Variants in SEMA3C observed in about 807,000 individuals in gnomAD.
SEMA3C encodes the protein semaphorin 3C, also known as semaphorin-3C.
Under a neutral mutation model 89.4 loss-of-function variants are expected in SEMA3C, and 47 were observed. The observed-to-expected ratio is 0.53, with a 90% CI of 0.42 to 0.67. The LOEUF (loss-of-function observed/expected upper bound fraction) is 0.67, where lower values mean the gene tolerates loss of function less well. Among genes scored for constraint, SEMA3C ranks in the 30% least tolerant of loss-of-function variants. SEMA3C has a pLI of 0.00. For missense variants in SEMA3C, 839 were observed against 929.1 expected (o/e 0.90, Z 1.26); for synonymous variants, 310 against 320.2 (o/e 0.97, Z 0.34).
At chr7:80,855,882 A>T (rs1437746705) in intron 2 of SEMA3C, among the ~76,000 whole-genome samples, 1 of 152,124 alleles carries the variant, frequency 6.6e-6, no homozygotes, top group East Asian at 1.9e-4. Flanking sequence ...GCAGCTCTTT[A>T]AAAAAATAAC....
At chr7:80,757,347 T>A (rs1331397342) in intron 15 of SEMA3C, among the ~76,000 whole-genome samples, 2 of 152,220 alleles carry the variant, frequency 1.3e-5, no homozygotes, top group African/African-American at 4.8e-5. Context: ...CATATTCCTT[T>A]TCAATTTCTC....
At chr7:80,894,275 G>C (rs952890115) in intron 2 of SEMA3C, among the ~76,000 whole-genome samples, 19 of 152,006 alleles carry the variant, frequency 1.2e-4, no homozygotes, top group Non-Finnish European at 2.6e-4. Context: ...AGAAAACACA[G>C]TAAGTTAGAT....
Position 80,748,838 on chromosome 7 carries a change from A to T in SEMA3C, c.1842+60T>A, listed in dbSNP as rs1787858112. On this transcript the variant is annotated intron_variant, in intron 17 of 17. Transcript: ENST00000265361. Reference sequence around the variant, plus strand: ...CCTTTGATCTGAGCCTCGCTGAGGGACAGTGATTTAATGTTCTCTCTGAAG... The same window carrying T: ...CCTTTGATCTGAGCCTCGCTGAGGGTCAGTGATTTAATGTTCTCTCTGAAG... 3.4e-6 allele frequency: 5 copies of T among 1,487,290 alleles called. No homozygotes were observed. In the South Asian group the frequency reaches 6.7e-5, roughly 20 times the overall value. The allele number at this position is 1,487,290 out of a possible 1,614,324, so 92.1% of individuals were successfully genotyped here.
In SEMA3C at chr7:80,899,198, G is replaced by A. The variant is rs539549287; in HGVS notation, c.103+17481C>T. The stretch of plus-strand genomic sequence containing the variant: ...TGCGATTACAGGCGTGTGCCACTGC[G>A]CCCGGCTACTTTTTGTATTTTTAGT... On this transcript the variant is annotated intron_variant, in intron 2 of 17. Coordinates refer to ENST00000265361, the MANE Select transcript of SEMA3C (RefSeq NM_006379.5). Among the ~76,000 whole-genome samples the A allele has an allele frequency of 2.4e-4, 37 of 152,140 alleles. No homozygotes were observed. The South Asian group carries it at 2.7e-3, about 11-fold the overall frequency.
intron 2 of SEMA3C, among the ~76,000 whole-genome samples, chr7:80,846,221 ATTTTTTCCTTGATC>A (rs1336122483): frequency 6.6e-6 from 1 of 151,880 alleles, no homozygotes; most frequent in Non-Finnish European, 1.5e-5. Context: ...GATGCCTGGT[ATTTTTTCCTTGATC>A]TTTATGCACC....
rs1233828017 is a variant in SEMA3C at position 80,897,656 on chromosome 7, TA to T, written c.103+19022del. On this transcript the variant is annotated intron_variant, in intron 2 of 17. Coordinates refer to ENST00000265361, the MANE Select transcript of SEMA3C (RefSeq NM_006379.5). ...ATAACCTAGATGAGGAAAACATGCT[TA>T]AAAAAAAGTTTGAGGCTGTTTAATT... 3.3e-5 allele frequency among the ~76,000 whole-genome samples: 5 copies of T among 152,054 alleles called. No individual in the cohort carries two copies. In the South Asian group the frequency reaches 8.3e-4, roughly 25 times the overall value.
At chr7:80,898,116 G>A (rs946957705) in intron 2 of SEMA3C, among the ~76,000 whole-genome samples, 15 of 151,916 alleles carry the variant, frequency 9.9e-5, no homozygotes, top group Non-Finnish European at 1.5e-5. Context: ...TGTAATCCTA[G>A]CACTTTGGGA....
chr7:80,901,788 A>C (rs1332521058), intron 2 of SEMA3C, among the ~76,000 whole-genome samples: 2 of 152,238 alleles, frequency 1.3e-5, no homozygotes, highest in Non-Finnish European at 2.9e-5. Context: ...GACTTTGCCC[A>C]TATTAGGTAT....
intron 2 of SEMA3C, among the ~76,000 whole-genome samples, chr7:80,874,203 A>C (rs1435345235): frequency 6.6e-6 from 1 of 152,124 alleles, no homozygotes; most frequent in East Asian, 1.9e-4. Context: ...CTTATCTCCT[A>C]GAATTGACTG....
chr7:80,883,197 T>C (rs940673453), intron 2 of SEMA3C, among the ~76,000 whole-genome samples: 5 of 152,162 alleles, frequency 3.3e-5, no homozygotes, highest in Admixed American at 2.0e-4. Context: ...ACAAAATGCA[T>C]TCATTAACAA....
intron 2 of SEMA3C, among the ~76,000 whole-genome samples, chr7:80,858,279 C>T (rs963880282): frequency 6.6e-6 from 1 of 151,978 alleles, no homozygotes; most frequent in Non-Finnish European, 1.5e-5. Context: ...AAAAATCTCC[C>T]GTATGATACT....
chr7:80,853,708 T>C (rs1012042884), intron 2 of SEMA3C, among the ~76,000 whole-genome samples: 1 of 152,182 alleles, frequency 6.6e-6, no homozygotes, highest in African/African-American at 2.4e-5. Context: ...GAGTATTCGA[T>C]AGCACAACAG....
chr7:80,754,947 G>GTTTTTTTTTTTTTTTTTTTTTTTTTTT (rs1031680674), intron 15 of SEMA3C, among the ~76,000 whole-genome samples: 5 of 13,132 alleles, frequency 3.8e-4, no homozygotes, highest in Non-Finnish European at 1.5e-3. Flanking sequence ...CTGGCGAATT[G>GTTTTTTTTTTTTTTTTTTTTTTTTTTT]TTTTTTTTTG....
At chr7:80,835,170 C>T (rs1159300253) in intron 2 of SEMA3C, among the ~76,000 whole-genome samples, 1 of 152,132 alleles carries the variant, frequency 6.6e-6, no homozygotes, top group Non-Finnish European at 1.5e-5. Context: ...TATGCAGTAA[C>T]TACTCATGAA....
chr7:80,854,770 T>G (rs1173761111), intron 2 of SEMA3C, among the ~76,000 whole-genome samples: 1 of 152,198 alleles, frequency 6.6e-6, no homozygotes. Flanking sequence ...ACCTAAAATA[T>G]TTGCCTGAAA....
intron 2 of SEMA3C, among the ~76,000 whole-genome samples, chr7:80,913,932 G>A (rs17154592): frequency 0.055 from 8,417 of 152,176 alleles, 313 homozygotes; most frequent in African/African-American, 0.092. Context: ...TTATTGCACC[G>A]GAAGTAACAC....
At chr7:80,768,470 C>T (rs1158744780) in intron 12 of SEMA3C, among the ~76,000 whole-genome samples, 6 of 150,790 alleles carry the variant, frequency 4.0e-5, no homozygotes, top group East Asian at 1.9e-4. Context: ...GCCAAGATCG[C>T]GCCACTGCAC....
intron 4 of SEMA3C, among the ~76,000 whole-genome samples, chr7:80,826,635 C>CTA (rs1789879281): frequency 6.6e-6 from 1 of 152,038 alleles, no homozygotes; most frequent in Non-Finnish European, 1.5e-5. Flanking sequence ...AGAAAGGAAC[C>CTA]TCTTTACCAA....
chr7:80,904,220 T>C (rs1791952816), intron 2 of SEMA3C, among the ~76,000 whole-genome samples: 1 of 152,098 alleles, frequency 6.6e-6, no homozygotes, highest in Non-Finnish European at 1.5e-5. Flanking sequence ...TTTGTAATTT[T>C]AGTAGAGACT....
Sources: gnomAD v4.1 joint callset for allele counts (sites outside exome capture counted in the v4.1 genomes callset) on GRCh38, gnomAD v4.1.1 for gene constraint, MANE v1.5 for transcripts, NCBI Gene and HGNC (gene_info 2026-07-23, HGNC 2026-07-21) for gene names.